DNM3: variants seen among roughly 807,000 people sequenced by gnomAD.
DNM3 encodes the protein dynamin 3.
A neutral mutation model predicts 101.6 loss-of-function variants in DNM3; 47 were observed. The observed-to-expected ratio is 0.46, with a 90% CI of 0.37 to 0.59. DNM3 has a LOEUF of 0.59. Among genes scored for constraint, DNM3 ranks in the 20% least tolerant of loss-of-function variants. The pLI, the probability that DNM3 is intolerant of heterozygous loss-of-function variation, is 0.00. For missense variants in DNM3, 849 were observed against 1,085.7 expected (o/e 0.78, Z 3.06); for synonymous variants, 385 against 387.9 (o/e 0.99, Z 0.09).
intron 13 of DNM3, among the ~76,000 whole-genome samples, chr1:172,112,265 G>A (rs1229673656): frequency 6.6e-6 from 1 of 152,124 alleles, no homozygotes; most frequent in Non-Finnish European, 1.5e-5. Context: ...AGGTAGCAAC[G>A]GTTTCATGAC....
chr1:172,157,404 C>T (rs954283619), intron 14 of DNM3, among the ~76,000 whole-genome samples: 4 of 152,032 alleles, frequency 2.6e-5, no homozygotes, highest in Admixed American at 6.6e-5. Context: ...GTACTGCGTT[C>T]GTGGTTCAGG....
chr1:171,858,678 G>T (rs1052837253), intron 1 of DNM3, among the ~76,000 whole-genome samples: 2 of 152,098 alleles, frequency 1.3e-5, no homozygotes, highest in African/African-American at 4.8e-5. Context: ...CTCTCCTCAT[G>T]CTCCTGATAA....
chr1:172,415,168 A>G (rs2071384961), downstream of DNM3: 1 of 152,282 alleles, frequency 6.6e-6, no homozygotes, highest in South Asian at 2.1e-4. Context: ...GTACTTTGTC[A>G]AAGGAGTATC....
intron 11 of DNM3, among the ~76,000 whole-genome samples, chr1:172,075,912 C>T (rs1285373096): frequency 6.6e-6 from 1 of 152,132 alleles, no homozygotes; most frequent in Non-Finnish European, 1.5e-5. Context: ...GCAGTATTGC[C>T]ATTTTTTCAA....
chr1:171,900,441 G>A (rs1411420413), intron 1 of DNM3, among the ~76,000 whole-genome samples: 1 of 152,096 alleles, frequency 6.6e-6, no homozygotes, highest in Non-Finnish European at 1.5e-5. Flanking sequence ...AAGGAGGCAA[G>A]GAGTTGGAGG....
At chr1:171,901,472 C>T (rs1051708683) in intron 1 of DNM3, among the ~76,000 whole-genome samples, 2 of 152,256 alleles carry the variant, frequency 1.3e-5, no homozygotes, top group East Asian at 1.9e-4. Flanking sequence ...CTGACATCTA[C>T]ACCCATTACA....
intron 12 of DNM3, among the ~76,000 whole-genome samples, chr1:172,083,963 G>T (rs1020245860): frequency 6.6e-6 from 1 of 151,916 alleles, no homozygotes; most frequent in African/African-American, 2.4e-5. Flanking sequence ...TGATATTGGG[G>T]AGAAAAAAAG....
intron 15 of DNM3, among the ~76,000 whole-genome samples, chr1:172,291,987 A>G (rs949027986): frequency 3.9e-5 from 6 of 152,234 alleles, no homozygotes; most frequent in African/African-American, 1.4e-4. Flanking sequence ...TAACACAATG[A>G]AATATAATAA....
intron 2 of DNM3, among the ~76,000 whole-genome samples, chr1:171,922,654 C>T (rs1487591737): frequency 2.0e-5 from 3 of 152,180 alleles, no homozygotes; most frequent in Non-Finnish European, 4.4e-5. Context: ...TGTTTGATCA[C>T]TCCCAAAAGA....
At chr1:172,160,212 C>T (rs143314520) in intron 14 of DNM3, among the ~76,000 whole-genome samples, 389 of 152,082 alleles carry the variant, frequency 2.6e-3, no homozygotes, top group African/African-American at 9.1e-3. Context: ...ACTTTAGAAA[C>T]ACTGTACACT....
chr1:172,302,045 G>A (rs2064480994), intron 15 of DNM3, among the ~76,000 whole-genome samples: 2 of 152,194 alleles, frequency 1.3e-5, no homozygotes, highest in South Asian at 4.1e-4. Context: ...AGTGAGTGCA[G>A]CCCACAGAGG....
chr1:171,897,614 C>T (rs1236516427), intron 1 of DNM3, among the ~76,000 whole-genome samples: 1 of 151,950 alleles, frequency 6.6e-6, no homozygotes, highest in Non-Finnish European at 1.5e-5. Flanking sequence ...ACATGCTATG[C>T]CATAGTGAAT....
At chr1:172,271,210 T>C (rs903467915) in intron 15 of DNM3, among the ~76,000 whole-genome samples, 1 of 152,044 alleles carries the variant, frequency 6.6e-6, no homozygotes, top group Non-Finnish European at 1.5e-5. Flanking sequence ...ATAGTGAGAG[T>C]ATTTATACCA....
chr1:172,372,530 G>A (rs1484489578), intron 17 of DNM3, among the ~76,000 whole-genome samples: 1 of 151,672 alleles, frequency 6.6e-6, no homozygotes. Flanking sequence ...TATGTGTCAT[G>A]CCCTTTCTAT....
chr1:171,974,436 T>C (rs1055527808), intron 2 of DNM3, among the ~76,000 whole-genome samples: 5 of 152,222 alleles, frequency 3.3e-5, no homozygotes, highest in African/African-American at 1.2e-4. Flanking sequence ...TAAGTCCCTT[T>C]TGAGGGGCTC....
intron 2 of DNM3, 116 bp downstream of exon 2, chr1:171,921,937 C>A: frequency 1.3e-6 from 1 of 792,682 alleles, no homozygotes; most frequent in Non-Finnish European, 2.1e-6. Flanking sequence ...CTGTGGGCAG[C>A]TGCCCACATT....
chr1:172,141,683 G>T (rs539794754), intron 14 of DNM3, among the ~76,000 whole-genome samples: 2 of 152,184 alleles, frequency 1.3e-5, no homozygotes, highest in South Asian at 4.2e-4. Flanking sequence ...GTGGTCTGTA[G>T]GCGAGAGGTG....
chr1:172,351,747 T>C (rs578146673), intron 17 of DNM3, among the ~76,000 whole-genome samples: 33 of 152,302 alleles, frequency 2.2e-4, no homozygotes, highest in African/African-American at 7.5e-4. Context: ...ACAGAAAATA[T>C]CTAAACAATT....
chr1:172,317,383 AAAATC>A (rs1299061223), intron 16 of DNM3, among the ~76,000 whole-genome samples: 1 of 152,142 alleles, frequency 6.6e-6, no homozygotes, highest in Non-Finnish European at 1.5e-5. Flanking sequence ...AGAAATAACT[AAAATC>A]AGAGCAGAAC....
Sources: gnomAD v4.1 joint callset for allele counts (sites outside exome capture counted in the v4.1 genomes callset) on GRCh38, gnomAD v4.1.1 for gene constraint, MANE v1.5 for transcripts, NCBI Gene and HGNC (gene_info 2026-07-23, HGNC 2026-07-21) for gene names.